PRKDC: variants seen among roughly 807,000 people sequenced by gnomAD.
PRKDC encodes DNA-dependent protein kinase catalytic subunit.
A neutral mutation model predicts 486.9 loss-of-function variants in PRKDC; 82 were observed. That is an observed-to-expected ratio of 0.17 (90% CI 0.14 to 0.20). The LOEUF (loss-of-function observed/expected upper bound fraction) is 0.20, where lower values mean the gene tolerates loss of function less well. Among genes scored for constraint, PRKDC ranks in the 10% least tolerant of loss-of-function variants. The pLI is 1.00. For missense variants in PRKDC, 4,504 were observed against 5,038.2 expected (o/e 0.89, Z 3.21); for synonymous variants, 1,895 against 1,837.0 (o/e 1.03, Z -0.81).
At chr8:47,824,052 T>C in intron 63 of PRKDC, 56 bp from the exon 64 acceptor site, 1 of 1,393,506 alleles carries the variant, frequency 7.2e-7, no homozygotes, top group Non-Finnish European at 9.4e-7. Flanking sequence ...TTTAAAAGTA[T>C]TTATTCTAAT....
chr8:47,786,515 T>G (rs994683168), intron 76 of PRKDC, among the ~76,000 whole-genome samples: 6 of 152,184 alleles, frequency 3.9e-5, no homozygotes, highest in Non-Finnish European at 7.4e-5. Context: ...GCACTCATTG[T>G]CTAGTTAGTG....
At chr8:47,823,455 G>C (rs1465036301) in intron 64 of PRKDC, among the ~76,000 whole-genome samples, 1 of 151,754 alleles carries the variant, frequency 6.6e-6, no homozygotes, top group East Asian at 1.9e-4. Flanking sequence ...CTGAAGCCAA[G>C]CAGAAGGCAG....
chr8:47,774,776 A>C (rs1250534774), intron 85 of PRKDC, among the ~76,000 whole-genome samples: 1 of 151,566 alleles, frequency 6.6e-6, no homozygotes, highest in African/African-American at 2.4e-5. Flanking sequence ...CTTTTTTTTT[A>C]ATTAAAAAAA....
chr8:47,858,702 G>A (rs183518276), intron 47 of PRKDC, 67 bp from the exon 48 acceptor site: 7 of 1,433,926 alleles, frequency 4.9e-6, no homozygotes, highest in Admixed American at 3.0e-5. Flanking sequence ...TGATATTATG[G>A]GAAAACAAGG....
intron 15 of PRKDC, 21 bp from the exon 16 acceptor site, chr8:47,933,193 T>G: frequency 6.9e-7 from 1 of 1,452,800 alleles, no homozygotes; most frequent in Middle Eastern, 2.3e-4. Context: ...AGAAAAACAA[T>G]AAACTTCAAA....
intron 51 of PRKDC, 124 bp downstream of exon 51, chr8:47,853,959 G>T: frequency 7.8e-7 from 1 of 1,275,938 alleles, no homozygotes; most frequent in Admixed American, 2.4e-5. Flanking sequence ...GAGCCACCGT[G>T]CCTGGCCCAG....
At chr8:47,844,664 A>G (rs2088224699) in intron 54 of PRKDC, among the ~76,000 whole-genome samples, 1 of 152,234 alleles carries the variant, frequency 6.6e-6, no homozygotes, top group Admixed American at 6.5e-5. Flanking sequence ...TAAATTAAAA[A>G]AAAATTCAAA....
chr8:47,849,778 T>C (rs777772124), intron 52 of PRKDC, among the ~76,000 whole-genome samples: 4 of 152,236 alleles, frequency 2.6e-5, no homozygotes, highest in African/African-American at 4.8e-5. Flanking sequence ...CTGGCTCGTG[T>C]AGATGTCAGA....
chr8:47,832,578 T>G (rs997771996), intron 59 of PRKDC, among the ~76,000 whole-genome samples: 2 of 152,078 alleles, frequency 1.3e-5, no homozygotes, highest in Non-Finnish European at 2.9e-5. Flanking sequence ...AAACGTGTCA[T>G]AACTTAAAAG....
intron 11 of PRKDC, among the ~76,000 whole-genome samples, chr8:47,937,610 C>T (rs2090374237): frequency 6.6e-6 from 1 of 152,208 alleles, no homozygotes; most frequent in African/African-American, 2.4e-5. Context: ...AGTCCAGGCT[C>T]CCCGAGGATC....
Position 47,823,253 on chromosome 8 carries a change from C to T in PRKDC, c.8922+605G>A, listed in dbSNP as rs535259788. ...CAGGTGGCTGAGGTGGGAGGACCGC[C>T]GGAGCCTGGGAGCCATGATAGTGCC... On this transcript the variant is annotated intron_variant, in intron 64 of 85. Coordinates refer to ENST00000314191, the MANE Select transcript of PRKDC (RefSeq NM_006904.7). 3.3e-5 allele frequency among the ~76,000 whole-genome samples: 5 copies of T among 151,716 alleles called. No individual in the cohort carries two copies. In the East Asian group the frequency reaches 9.8e-4, roughly 30 times the overall value.
At chr8:47,819,342 T>G (rs1414638474) in intron 67 of PRKDC, 60 bp downstream of exon 67, 1 of 1,121,118 alleles carries the variant, frequency 8.9e-7, no homozygotes, top group Non-Finnish European at 1.3e-6. Flanking sequence ...GAAAATAATT[T>G]AGATGCTAAA....
At chr8:47,922,833 T>C (rs182783547) in intron 21 of PRKDC, among the ~76,000 whole-genome samples, 82 of 152,326 alleles carry the variant, frequency 5.4e-4, no homozygotes, top group African/African-American at 1.9e-3. Flanking sequence ...TGTATTTCAA[T>C]GAGAAGAGTT....
intron 69 of PRKDC, among the ~76,000 whole-genome samples, chr8:47,805,739 T>G (rs891435287): frequency 6.6e-6 from 1 of 152,174 alleles, no homozygotes; most frequent in Non-Finnish European, 1.5e-5. Context: ...TCATCAGACT[T>G]TGGTCTTCCT....
In PRKDC at chr8:47,785,213, T is replaced by G; in HGVS notation, c.11007A>C (p.Lys3669Asn). 6.2e-7 allele frequency: 1 copy of G among 1,614,004 alleles called. No individual in the cohort carries two copies. The highest frequency in any genetic ancestry group is 8.5e-7 in the Non-Finnish European group (1 of 1,179,890). ...FNDITNMLLL[K>N]MNKDSKPPGN... is the part of the protein sequence containing the mutation. ...CAGGGGGCTTTGAGTCTTTGTTCAT[T>G]TTTAAAAGTAGCATGTTGGTAATGT... Residue 3669 changes from lysine (K) to asparagine (N), a missense_variant, in exon 77 of 86, where the codon AAA becomes AAC. Physicochemically the swap from Lys to Asn is moderately conservative, Grantham distance 94. This residue lies in a region of PRKDC where 706 missense variants were observed against 945.0 expected (regional missense o/e 0.75). Transcript: ENST00000314191.
intron 51 of PRKDC, among the ~76,000 whole-genome samples, chr8:47,853,225 G>A (rs947733959): frequency 2.6e-5 from 4 of 152,222 alleles, no homozygotes; most frequent in Non-Finnish European, 5.9e-5. Flanking sequence ...TCAGCACTCA[G>A]GGGACTCTGC....
chr8:47,930,617 A>G (rs1004245907), intron 17 of PRKDC, 55 bp downstream of exon 17: 2 of 1,479,028 alleles, frequency 1.4e-6, no homozygotes, highest in African/African-American at 1.4e-5. Context: ...CCTATATTAC[A>G]GCCAATAACT....
intron 17 of PRKDC, 92 bp downstream of exon 17, chr8:47,930,580 C>A: frequency 7.6e-7 from 1 of 1,312,674 alleles, no homozygotes; most frequent in Admixed American, 2.5e-5. Flanking sequence ...CCTATTATTT[C>A]ATTTCTTACA....
intron 38 of PRKDC, among the ~76,000 whole-genome samples, chr8:47,880,907 C>A (rs956482761): frequency 1.3e-5 from 2 of 151,734 alleles, no homozygotes; most frequent in Non-Finnish European, 2.9e-5. Flanking sequence ...ATTAGCCAGG[C>A]CTGGTGGCGC....
Sources: gnomAD v4.1 joint callset for allele counts (sites outside exome capture counted in the v4.1 genomes callset) on GRCh38, gnomAD v4.1.1 for gene constraint, gnomAD v4.1.1 regional missense constraint, MANE v1.5 for transcripts, NCBI Gene and HGNC (gene_info 2026-07-23, HGNC 2026-07-21) for gene names.